PYHIN1: variants seen among roughly 807,000 people sequenced by gnomAD.
PYHIN1 encodes the protein pyrin and HIN domain family member 1, also known as pyrin and HIN domain-containing protein 1.
PYHIN1 carries 32 observed loss-of-function variants against 43.7 expected under a neutral mutation model. The ratio of observed to expected loss-of-function variants is 0.73; its 90% CI spans 0.55 to 0.98. PYHIN1 has a LOEUF of 0.98. PYHIN1 is among the 50% of genes least tolerant of loss of function. The pLI is 0.00. For missense variants in PYHIN1, 588 were observed against 589.5 expected, an observed-to-expected ratio of 1.00 and a Z score of 0.03; for synonymous variants, 205 against 203.1, an observed-to-expected ratio of 1.01 and a Z score of -0.08.
chr1:158,987,448 TA>T, the PYHIN1 span, among the ~76,000 whole-genome samples: 2 of 152,204 alleles, frequency 1.3e-5, 1 homozygote, highest in Non-Finnish European at 2.9e-5. Flanking sequence ...ATAAGTCCCT[TA>T]TTGAATATAT....
intron 5 of PYHIN1, among the ~76,000 whole-genome samples, chr1:158,943,021 A>C (rs1649012125): frequency 6.6e-6 from 1 of 152,190 alleles, no homozygotes; most frequent in Admixed American, 6.6e-5. Context: ...AAGAGCAGAA[A>C]AAATTTTCTG....
At position 158,970,986 on chromosome 1, in the gene PYHIN1, A is replaced by G. The variant is rs539637877; in HGVS notation, c.1360-2661A>G. Among the ~76,000 whole-genome samples the G allele has an allele frequency of 5.3e-5, 8 of 152,176 alleles. No homozygotes were observed. The East Asian group carries it at 1.5e-3, about 29-fold the overall frequency. ...TCATATTCAACTTAGTCAACTAAAAAGTTTTTGTAGTTGAGGGAGTATGTT... is the reference window on the plus strand; with the variant it reads ...TCATATTCAACTTAGTCAACTAAAAGGTTTTTGTAGTTGAGGGAGTATGTT... On this transcript the variant is annotated intron_variant, in intron 7 of 8. Transcript: ENST00000368140.
chr1:158,978,274 C>CATATATATATATAT (rs57749637), downstream of PYHIN1, among the ~76,000 whole-genome samples: 7 of 150,814 alleles, frequency 4.6e-5, no homozygotes, highest in African/African-American at 1.7e-4. Context: ...TGTGTCTATA[C>CATATATATATATAT]ATATATATAT....
chr1:158,950,964 G>A (rs756650575), intron 7 of PYHIN1, among the ~76,000 whole-genome samples: 118 of 152,286 alleles, frequency 7.7e-4, no homozygotes, highest in South Asian at 1.7e-3. Flanking sequence ...AAGAACGTGT[G>A]CACTAATTAG....
chr1:158,985,515 G>C, the PYHIN1 span, among the ~76,000 whole-genome samples: 1 of 152,274 alleles, frequency 6.6e-6, no homozygotes, highest in South Asian at 2.1e-4. Context: ...TCTGCTGAAA[G>C]GTCCACTGTT....
chr1:158,940,394 T>C (rs925649444), intron 4 of PYHIN1: 1 of 151,804 alleles, frequency 6.6e-6, no homozygotes, highest in Non-Finnish European at 1.5e-5. Context: ...GGAAGAGAGC[T>C]CAGGAGTTTG....
chr1:158,967,917 T>C (rs1362773112), intron 7 of PYHIN1, among the ~76,000 whole-genome samples: 1 of 152,022 alleles, frequency 6.6e-6, no homozygotes. Context: ...CTGGACCCCT[T>C]CCTTACACCA....
the PYHIN1 span, among the ~76,000 whole-genome samples, chr1:158,982,481 A>C: frequency 5.9e-5 from 9 of 151,884 alleles, no homozygotes; most frequent in African/African-American, 2.2e-4. Context: ...GGGTTCTCTA[A>C]CCTGTTCCAT....
chr1:158,956,044 G>C (rs138163922), intron 7 of PYHIN1, among the ~76,000 whole-genome samples: 3 of 146,448 alleles, frequency 2.0e-5, no homozygotes, highest in South Asian at 2.1e-4. Context: ...TCTCCCAAGA[G>C]TAAACCAGGA....
chr1:158,953,441 C>A (rs966322001), intron 7 of PYHIN1, among the ~76,000 whole-genome samples: 7 of 150,534 alleles, frequency 4.7e-5, no homozygotes, highest in Non-Finnish European at 8.9e-5. Flanking sequence ...GGGTCCCTGA[C>A]CCCTGACCCC....
intron 7 of PYHIN1, 113 bp from the exon 8 acceptor site, chr1:158,973,534 C>T: frequency 9.8e-7 from 1 of 1,018,442 alleles, no homozygotes; most frequent in African/African-American, 1.7e-5. Flanking sequence ...CACACACACA[C>T]ACATATACAC....
the PYHIN1 span, among the ~76,000 whole-genome samples, chr1:158,983,115 A>G: frequency 2.6e-5 from 4 of 151,462 alleles, no homozygotes; most frequent in Admixed American, 6.6e-5. Context: ...CTTTCTTTCT[A>G]TTTGGACGTC....
intron 1 of PYHIN1, 32 bp from the exon 2 acceptor site, chr1:158,936,859 G>T (rs1198529712): frequency 7.0e-6 from 10 of 1,430,458 alleles, no homozygotes; most frequent in Non-Finnish European, 8.5e-6. Flanking sequence ...CTGTATACAT[G>T]TGTAACACTA....
At chr1:158,955,045 G>C (rs1649828947) in intron 7 of PYHIN1, among the ~76,000 whole-genome samples, 1 of 152,058 alleles carries the variant, frequency 6.6e-6, no homozygotes, top group South Asian at 2.1e-4. Flanking sequence ...TCAACAAGAA[G>C]AGCTAACTAT....
At chr1:158,955,725 TAGC>T (rs1377730623) in intron 7 of PYHIN1, among the ~76,000 whole-genome samples, 10 of 99,110 alleles carry the variant, frequency 1.0e-4, no homozygotes, top group Non-Finnish European at 2.1e-4. Context: ...ATTCAAAAGC[TAGC>T]AGAAGGCAAG....
chr1:158,952,932 C>T (rs1191851543), intron 7 of PYHIN1, among the ~76,000 whole-genome samples: 1 of 152,196 alleles, frequency 6.6e-6, no homozygotes, highest in African/African-American at 2.4e-5. Context: ...TGAGGCATTG[C>T]CTCACTTGGG....
chr1:158,953,085 C>G (rs745764898), intron 7 of PYHIN1, among the ~76,000 whole-genome samples: 9 of 152,236 alleles, frequency 5.9e-5, no homozygotes, highest in Non-Finnish European at 1.3e-4. Context: ...TATCCTGCAC[C>G]TGGCTCCGAG....
intron 7 of PYHIN1, among the ~76,000 whole-genome samples, chr1:158,948,539 G>A (rs775969314): frequency 1.4e-4 from 22 of 152,194 alleles, no homozygotes; most frequent in Admixed American, 3.9e-4. Flanking sequence ...AGGCAGCCTC[G>A]AGGGATTGCA....
chr1:158,935,802 G>A (rs1283010671), intron 1 of PYHIN1, among the ~76,000 whole-genome samples: 5 of 152,086 alleles, frequency 3.3e-5, no homozygotes, highest in Non-Finnish European at 7.4e-5. Context: ...GGTTTTGGGG[G>A]ATAGGCTCCA....
Sources: gnomAD v4.1 joint callset for allele counts (sites outside exome capture counted in the v4.1 genomes callset) on GRCh38, gnomAD v4.1.1 for gene constraint, MANE v1.5 for transcripts, NCBI Gene and HGNC (gene_info 2026-07-23, HGNC 2026-07-21) for gene names.